The following ZHX2 variants were observed in gnomAD, a reference collection of about 807,000 sequenced individuals.
ZHX2 encodes zinc fingers and homeoboxes protein 2.
Under a neutral mutation model 21.9 loss-of-function variants are expected in ZHX2, and 6 were observed. The observed-to-expected ratio is 0.27, with a 90% CI of 0.15 to 0.54. The LOEUF (loss-of-function observed/expected upper bound fraction) is 0.54, where lower values mean the gene tolerates loss of function less well. Among genes scored for constraint, ZHX2 ranks in the 20% least tolerant of loss-of-function variants. The probability of loss-of-function intolerance (pLI) is 0.95; values close to 1 mark genes in which losing one functional copy is unlikely to be tolerated. For synonymous variants in ZHX2, 434 were observed against 437.1 expected (o/e 0.99, Z 0.09); for missense variants, 908 against 1,090.7 (o/e 0.83, Z 2.36).
intron 2 of ZHX2, among the ~76,000 whole-genome samples, chr8:122,907,780 G>T (rs1004960062): frequency 3.9e-5 from 6 of 152,170 alleles, no homozygotes; most frequent in Non-Finnish European, 1.5e-5. Flanking sequence ...GATTAAATGA[G>T]ATCAAAGATG....
chr8:122,790,097 C>T (rs1301671563), intron 1 of ZHX2, among the ~76,000 whole-genome samples: 1 of 152,104 alleles, frequency 6.6e-6, no homozygotes, highest in Admixed American at 6.5e-5. Context: ...TTATGGATTT[C>T]CTGGTACAGG....
chr8:122,932,536 T>C (rs1215291055), intron 2 of ZHX2, among the ~76,000 whole-genome samples: 1 of 152,116 alleles, frequency 6.6e-6, no homozygotes, highest in Non-Finnish European at 1.5e-5. Flanking sequence ...AACTCCTGCC[T>C]CCAGAATCGC....
intron 2 of ZHX2, among the ~76,000 whole-genome samples, chr8:122,929,261 C>T (rs923817289): frequency 1.3e-5 from 2 of 152,176 alleles, no homozygotes; most frequent in African/African-American, 2.4e-5. Flanking sequence ...CTTGCTCATT[C>T]CATCAGCCAA....
intron 1 of ZHX2, among the ~76,000 whole-genome samples, chr8:122,788,390 T>C (rs1817443661): frequency 6.6e-6 from 1 of 152,036 alleles, no homozygotes; most frequent in African/African-American, 2.4e-5. Flanking sequence ...AAACCCCATC[T>C]CTACAAAAAA....
At chr8:122,874,295 T>C (rs944299260) in intron 2 of ZHX2, among the ~76,000 whole-genome samples, 2 of 152,198 alleles carry the variant, frequency 1.3e-5, no homozygotes, top group African/African-American at 2.4e-5. Context: ...TCATCAGTTC[T>C]AATATTCATC....
At chr8:122,965,321 T>C (rs765826371) in intron 3 of ZHX2, among the ~76,000 whole-genome samples, 23 of 152,200 alleles carry the variant, frequency 1.5e-4, no homozygotes, top group Non-Finnish European at 3.4e-4. Context: ...GCTTTTGCTG[T>C]ATCCCAGAGG....
rs199596250 is a variant in ZHX2, at chr8:122,967,433, AC to A, written c.*5-5806del. Among the ~76,000 whole-genome samples the A allele has an allele frequency of 1.8e-3, 273 of 152,242 alleles. 1 individual carries two copies. Among genetic ancestry groups the A allele is most frequent in the East Asian group, 0.016 (84 of 5,170 alleles). On this transcript the variant is annotated intron_variant, in intron 3 of 3. Transcript: ENST00000314393. ...AATTATTGCCCTTCTGGGTCTAGCC[AC>A]CCAGTGGGGCTGCTGGGCTCCAGGC...
intron 1 of ZHX2, among the ~76,000 whole-genome samples, chr8:122,853,322 C>T (rs899369641): frequency 6.6e-6 from 1 of 152,172 alleles, no homozygotes; most frequent in Non-Finnish European, 1.5e-5. Flanking sequence ...CTTTGAGATA[C>T]ACAGTGTTAT....
At position 122,844,990 on chromosome 8, in the gene ZHX2, C is replaced by T. The variant is rs999642264; in HGVS notation, c.-282-18487C>T. ...AGTTGCCTAATACCCCCTGCCCAACCGTATCATCCCTATGATTTTCCACAA... is the reference window on the plus strand; with the variant it reads ...AGTTGCCTAATACCCCCTGCCCAACTGTATCATCCCTATGATTTTCCACAA... On this transcript the variant is annotated intron_variant, in intron 1 of 3. Coordinates refer to ENST00000314393, the MANE Select transcript of ZHX2 (RefSeq NM_014943.5). Among the ~76,000 whole-genome samples, 10 of 152,312 alleles carry T rather than the reference C, an allele frequency of 6.6e-5. No homozygotes were observed. The East Asian group carries it at 1.7e-3, about 26-fold the overall frequency.
chr8:122,809,967 T>G (rs1259615842), intron 1 of ZHX2, among the ~76,000 whole-genome samples: 1 of 152,146 alleles, frequency 6.6e-6, no homozygotes, highest in Non-Finnish European at 1.5e-5. Context: ...AGGGCTACTT[T>G]TCATTAGAAG....
chr8:122,896,247 G>T (rs1403545665), intron 2 of ZHX2, among the ~76,000 whole-genome samples: 1 of 150,568 alleles, frequency 6.6e-6, no homozygotes, highest in Non-Finnish European at 1.5e-5. Context: ...TTTCTTAAGG[G>T]CATATTGTTT....
At chr8:122,937,868 C>T (rs780405458) in intron 2 of ZHX2, among the ~76,000 whole-genome samples, 6 of 151,868 alleles carry the variant, frequency 4.0e-5, no homozygotes, top group Non-Finnish European at 8.8e-5. Context: ...AGGCATGAGC[C>T]ACCGCGCCCA....
At chr8:122,955,949 G>A (rs140935284) in intron 3 of ZHX2, among the ~76,000 whole-genome samples, 4,707 of 149,612 alleles carry the variant, frequency 0.031, 104 homozygotes, top group Admixed American at 0.073. Context: ...GGTTCAAGCA[G>A]TTCTCCTGCA....
At chr8:122,809,109 A>T (rs1442874492) in intron 1 of ZHX2, 2 of 152,210 alleles carry the variant, frequency 1.3e-5, no homozygotes, top group South Asian at 2.1e-4. Context: ...GGCCCGGGAG[A>T]CTCAGCCCCT....
At chr8:122,948,917 T>C (rs1813041696) in intron 2 of ZHX2, among the ~76,000 whole-genome samples, 1 of 152,214 alleles carries the variant, frequency 6.6e-6, no homozygotes, top group South Asian at 2.1e-4. Context: ...ACTTTCTAAA[T>C]ATAAAATCAC....
chr8:122,928,878 T>C (rs902333572), intron 2 of ZHX2, among the ~76,000 whole-genome samples: 1 of 152,192 alleles, frequency 6.6e-6, no homozygotes, highest in East Asian at 1.9e-4. Context: ...CAGGTGATCA[T>C]CTTGACTTGG....
chr8:122,835,311 G>A (rs1036277486), intron 1 of ZHX2, among the ~76,000 whole-genome samples: 3 of 152,238 alleles, frequency 2.0e-5, no homozygotes, highest in African/African-American at 7.2e-5. Context: ...GCGCCCGAGC[G>A]AGTAAGGGCA....
At chr8:122,966,657 T>C (rs1431184957) in intron 3 of ZHX2, among the ~76,000 whole-genome samples, 2 of 152,200 alleles carry the variant, frequency 1.3e-5, no homozygotes, top group Non-Finnish European at 2.9e-5. Flanking sequence ...TGTGATCAAT[T>C]TCCTGGGTGT....
intron 2 of ZHX2, among the ~76,000 whole-genome samples, chr8:122,892,777 C>A (rs537812251): frequency 2.6e-5 from 4 of 152,308 alleles, no homozygotes; most frequent in African/African-American, 9.6e-5. Flanking sequence ...CTCTGTCTCC[C>A]AGGTTCATGT....
Sources: allele counts gnomAD v4.1 joint callset (sites outside exome capture counted in the v4.1 genomes callset), GRCh38; gene constraint gnomAD v4.1.1; transcripts MANE v1.5; gene names NCBI Gene and HGNC (gene_info 2026-07-23, HGNC 2026-07-21).